ROBO2: variants seen among roughly 807,000 people sequenced by gnomAD.
The protein encoded by ROBO2 is roundabout guidance receptor 2, also known as roundabout homolog 2.
ROBO2 carries 53 observed loss-of-function variants against 160.8 expected under a neutral mutation model. The ratio of observed to expected loss-of-function variants is 0.33; its 90% CI spans 0.26 to 0.41. The LOEUF (loss-of-function observed/expected upper bound fraction) is 0.41, where lower values mean the gene tolerates loss of function less well. Ranked by LOEUF, ROBO2 falls within the 10% of genes least tolerant of loss-of-function variation. The pLI is 1.00. For synonymous variants in ROBO2, 664 were observed against 611.7 expected, an observed-to-expected ratio of 1.09 and a Z score of -1.26; for missense variants, 1,577 against 1,722.4, an observed-to-expected ratio of 0.92 and a Z score of 1.49.
chr3:77,047,330 G>C (rs947144040), intron 1 of ROBO2, among the ~76,000 whole-genome samples: 3 of 152,088 alleles, frequency 2.0e-5, no homozygotes, highest in Admixed American at 6.5e-5. Flanking sequence ...CTGTAAAATG[G>C]GCATGGTAAT....
intron 2 of ROBO2, among the ~76,000 whole-genome samples, chr3:77,290,988 T>G (rs1391788332): frequency 6.5e-5 from 9 of 137,700 alleles, no homozygotes; most frequent in East Asian, 2.4e-4. Flanking sequence ...AAATTGACGG[T>G]TAAACGGGTA....
chr3:76,045,152 G>C (rs549092597), intron 2 of ROBO2, among the ~76,000 whole-genome samples: 1 of 151,994 alleles, frequency 6.6e-6, no homozygotes, highest in African/African-American at 2.4e-5. Flanking sequence ...GTTTTCATCT[G>C]AGAAAGCTGA....
intron 2 of ROBO2, among the ~76,000 whole-genome samples, chr3:77,278,112 C>A (rs1291611125): frequency 6.6e-6 from 1 of 152,046 alleles, no homozygotes; most frequent in Non-Finnish European, 1.5e-5. Context: ...AATAAGCTAG[C>A]CCCCTCCTCT....
At chr3:77,307,236 T>C (rs1309035727) in intron 2 of ROBO2, among the ~76,000 whole-genome samples, 3 of 152,198 alleles carry the variant, frequency 2.0e-5, no homozygotes, top group Non-Finnish European at 2.9e-5. Flanking sequence ...AACTGGTGAG[T>C]TGTCTCTGAC....
At position 76,105,034 on chromosome 3, in the gene ROBO2, A is replaced by G. The variant is rs146905360; in HGVS notation, c.109+167432A>G. ...TATTTATATGTTTGCCAGGGTAAAG[A>G]GAAAAGCAAGAGACCTAGCCTTTAG... On this transcript the variant is annotated intron_variant, in intron 2 of 26. Transcript: ENST00000487694. 5.4e-3 allele frequency among the ~76,000 whole-genome samples: 819 copies of G among 152,290 alleles called. 10 individuals carry two copies. The highest frequency in any genetic ancestry group is 0.019 in the African/African-American group (792 of 41,556).
chr3:77,369,798 G>A (rs929754334), intron 2 of ROBO2, among the ~76,000 whole-genome samples: 2 of 152,158 alleles, frequency 1.3e-5, no homozygotes, highest in Admixed American at 6.5e-5. Flanking sequence ...TTTGTCCCAA[G>A]AGTTATATTC....
intron 2 of ROBO2, among the ~76,000 whole-genome samples, chr3:76,180,258 C>T (rs1022146421): frequency 2.0e-5 from 3 of 152,158 alleles, no homozygotes; most frequent in African/African-American, 7.2e-5. Context: ...AAATGTCTTG[C>T]AGAGTACTTT....
At chr3:75,947,305 A>C (rs1948345211) in intron 2 of ROBO2, among the ~76,000 whole-genome samples, 2 of 152,116 alleles carry the variant, frequency 1.3e-5, no homozygotes, top group South Asian at 4.1e-4. Flanking sequence ...GAGTTAGATA[A>C]TCATAGCCTA....
At chr3:76,511,205 C>T (rs12492958) in intron 2 of ROBO2, among the ~76,000 whole-genome samples, 45,439 of 152,126 alleles carry the variant, frequency 0.3, 8,418 homozygotes, top group Non-Finnish European at 0.4. Context: ...CCTGTGCTAC[C>T]GTGTCAGGCA....
intron 24 of ROBO2, among the ~76,000 whole-genome samples, chr3:77,638,778 C>CT (rs1286404190): frequency 6.7e-6 from 1 of 149,064 alleles, no homozygotes; most frequent in Non-Finnish European, 1.5e-5. Context: ...CCTGTTTCTC[C>CT]TAGATAATTT....
intron 2 of ROBO2, among the ~76,000 whole-genome samples, chr3:77,364,671 A>G (rs1300043481): frequency 6.6e-6 from 1 of 152,180 alleles, no homozygotes; most frequent in African/African-American, 2.4e-5. Flanking sequence ...AAAAGAGAAT[A>G]ATAGTAGTTG....
At chr3:76,052,970 T>C (rs2107825335) in intron 2 of ROBO2, among the ~76,000 whole-genome samples, 1 of 152,170 alleles carries the variant, frequency 6.6e-6, no homozygotes, top group Middle Eastern at 3.4e-3. Flanking sequence ...TGGTTATTTA[T>C]ATTTTAAAGA....
intron 2 of ROBO2, among the ~76,000 whole-genome samples, chr3:77,342,855 G>GT (rs1174186433): frequency 6.6e-6 from 1 of 152,164 alleles, no homozygotes; most frequent in Non-Finnish European, 1.5e-5. Context: ...TTAAAGTGCT[G>GT]TATTAGTTGG....
intron 2 of ROBO2, among the ~76,000 whole-genome samples, chr3:76,832,265 A>G (rs2109333361): frequency 6.6e-6 from 1 of 152,342 alleles, no homozygotes; most frequent in Non-Finnish European, 1.5e-5. Context: ...GTGTCTCTAA[A>G]TAAGCATAGA....
chr3:75,909,320 T>G (rs965188513), intron 1 of ROBO2, among the ~76,000 whole-genome samples: 11 of 152,184 alleles, frequency 7.2e-5, no homozygotes, highest in South Asian at 4.1e-4. Context: ...GGAGCTTTTG[T>G]GTGTCTATGC....
At chr3:76,529,928 G>A (rs2082136995) in intron 2 of ROBO2, among the ~76,000 whole-genome samples, 1 of 152,160 alleles carries the variant, frequency 6.6e-6, no homozygotes, top group Non-Finnish European at 1.5e-5. Flanking sequence ...TAACTGGTCT[G>A]TGATCCCTGC....
intron 2 of ROBO2, among the ~76,000 whole-genome samples, chr3:76,054,229 G>T (rs1025714121): frequency 1.3e-5 from 2 of 152,052 alleles, no homozygotes; most frequent in African/African-American, 4.8e-5. Context: ...GTTTATGTTT[G>T]TATAAATTGT....
intron 8 of ROBO2, among the ~76,000 whole-genome samples, chr3:77,554,477 G>T (rs749208340): frequency 5.3e-5 from 8 of 151,950 alleles, no homozygotes; most frequent in Non-Finnish European, 8.8e-5. Context: ...TTCAACTGAA[G>T]GATCTGGGCA....
At chr3:77,618,025 C>T (rs1364530289) in intron 22 of ROBO2, 9 of 508,278 alleles carry the variant, frequency 1.8e-5, no homozygotes, top group South Asian at 1.5e-4. Flanking sequence ...AGAACTAAAA[C>T]TAGAACTAGA....
Sources: gnomAD v4.1 joint callset for allele counts (sites outside exome capture counted in the v4.1 genomes callset) on GRCh38, gnomAD v4.1.1 for gene constraint, MANE v1.5 for transcripts, NCBI Gene and HGNC (gene_info 2026-07-23, HGNC 2026-07-21) for gene names.